The following SEMA3A variants were observed in gnomAD, a reference collection of about 807,000 sequenced individuals.
The protein encoded by SEMA3A is semaphorin-3A.
SEMA3A carries 29 observed loss-of-function variants against 97.9 expected under a neutral mutation model. The ratio of observed to expected loss-of-function variants is 0.30; its 90% CI spans 0.22 to 0.40. The LOEUF is 0.40. Among genes scored for constraint, SEMA3A ranks in the 10% least tolerant of loss-of-function variants. The probability of loss-of-function intolerance (pLI) is 1.00; values close to 1 mark genes in which losing one functional copy is unlikely to be tolerated. For missense variants in SEMA3A, 763 were observed against 951.3 expected, an observed-to-expected ratio of 0.80 and a Z score of 2.60; for synonymous variants, 321 against 323.7, an observed-to-expected ratio of 0.99 and a Z score of 0.09.
At position 84,067,167 on chromosome 7, in the gene SEMA3A, C is replaced by T. The variant is rs183418563; in HGVS notation, c.454-6609G>A. 4.8e-3 allele frequency among the ~76,000 whole-genome samples: 725 copies of T among 152,154 alleles called. 4 individuals are homozygous for T. Among genetic ancestry groups the T allele is most frequent in the African/African-American group, 0.016 (654 of 41,540 alleles). ...GACAAACCTGAGAAAAACAAGCAAT[C>T]GGGAAAGGATTCCTTATTTAATAAA... is the stretch of plus-strand genomic sequence containing the variant. On this transcript the variant is annotated intron_variant, in intron 4 of 16. Coordinates refer to ENST00000265362, the MANE Select transcript of SEMA3A (RefSeq NM_006080.3).
chr7:84,244,063 T>A (rs1159797618), intron 3 of SEMA3A, among the ~76,000 whole-genome samples: 1 of 152,216 alleles, frequency 6.6e-6, no homozygotes, highest in Non-Finnish European at 1.5e-5. Context: ...GAGAAGAATG[T>A]ATATTCTGTT....
intron 3 of SEMA3A, among the ~76,000 whole-genome samples, chr7:84,230,605 C>T (rs1799096058): frequency 1.3e-5 from 2 of 151,940 alleles, no homozygotes; most frequent in South Asian, 4.1e-4. Flanking sequence ...TGTTGTTAAC[C>T]TAATCACCAT....
At chr7:84,052,196 G>T (rs1203579260) in intron 5 of SEMA3A, among the ~76,000 whole-genome samples, 2 of 151,910 alleles carry the variant, frequency 1.3e-5, no homozygotes, top group Non-Finnish European at 2.9e-5. Flanking sequence ...TCTCTGCCTG[G>T]CTTTGGTATC....
intron 1 of SEMA3A, among the ~76,000 whole-genome samples, chr7:84,449,780 G>A (rs1454691311): frequency 6.6e-6 from 1 of 152,070 alleles, no homozygotes. Flanking sequence ...TCCACTGTCT[G>A]CTTCTGTGAG....
At chr7:84,428,360 AAAAC>A in intron 1 of SEMA3A, among the ~76,000 whole-genome samples, 1 of 152,202 alleles carries the variant, frequency 6.6e-6, no homozygotes, top group East Asian at 1.9e-4. Context: ...AAGATAGTAA[AAAAC>A]AAGTATATTT....
At chr7:84,106,144 G>A (rs1795103022) in intron 4 of SEMA3A, among the ~76,000 whole-genome samples, 1 of 152,152 alleles carries the variant, frequency 6.6e-6, no homozygotes, top group African/African-American at 2.4e-5. Context: ...ACGCTATTCA[G>A]GAGTGTAAAT....
At chr7:84,281,679 C>A (rs1800443204) in intron 3 of SEMA3A, among the ~76,000 whole-genome samples, 2 of 152,154 alleles carry the variant, frequency 1.3e-5, no homozygotes, top group Non-Finnish European at 2.9e-5. Flanking sequence ...AGAACAGACT[C>A]TGTAGCTACA....
At chr7:84,067,491 C>A (rs1793563636) in intron 4 of SEMA3A, among the ~76,000 whole-genome samples, 1 of 151,016 alleles carries the variant, frequency 6.6e-6, no homozygotes, top group African/African-American at 2.4e-5. Flanking sequence ...AGGCAACCTA[C>A]AAAATGGGAG....
intron 3 of SEMA3A, among the ~76,000 whole-genome samples, chr7:84,295,463 G>A (rs976915296): frequency 3.3e-5 from 5 of 151,966 alleles, no homozygotes; most frequent in Non-Finnish European, 5.9e-5. Context: ...AATGAAATCC[G>A]CATGTTTGCA....
intron 1 of SEMA3A, among the ~76,000 whole-genome samples, chr7:84,413,228 CCTCT>C (rs766498653): frequency 1.4e-4 from 22 of 151,994 alleles, no homozygotes; most frequent in Non-Finnish European, 2.2e-4. Flanking sequence ...ATTGCCATAG[CCTCT>C]CTAAGTGAAG....
chr7:84,407,933 T>TA (rs1455582950), intron 1 of SEMA3A, among the ~76,000 whole-genome samples: 23 of 152,224 alleles, frequency 1.5e-4, no homozygotes, highest in African/African-American at 4.1e-4. Flanking sequence ...CCTAAAACCA[T>TA]AAAAACCCTA....
rs1178194583 is a variant in SEMA3A at position 84,203,502 on chromosome 7, GTA to G, written c.-82-8836_-82-8835del. 4.5e-3 allele frequency among the ~76,000 whole-genome samples: 258 copies of G among 57,010 alleles called. 10 individuals carry two copies. Among genetic ancestry groups the G allele is most frequent in the South Asian group, 0.012 (15 of 1,248 alleles). The allele number at this position is 57,010 out of a possible 152,430, so 37.4% of individuals were successfully genotyped here. On this transcript the variant is annotated intron_variant, in intron 3 of 3. Coordinates refer to the SEMA3A transcript ENST00000424555. ...GTAGAAAGTATTTCTTTGTGTGTGT[GTA>G]TATATATATATATATATATATATTT...
chr7:84,118,714 G>A (rs1795508103), intron 3 of SEMA3A, among the ~76,000 whole-genome samples: 2 of 152,260 alleles, frequency 1.3e-5, no homozygotes, highest in South Asian at 4.1e-4. Context: ...TTGTGATTGT[G>A]GGTCTCAGTT....
intron 3 of SEMA3A, among the ~76,000 whole-genome samples, chr7:84,243,139 G>A (rs1799404487): frequency 1.3e-5 from 2 of 152,242 alleles, no homozygotes; most frequent in Non-Finnish European, 2.9e-5. Context: ...CCAGGTTTTG[G>A]TATCAGGATG....
intron 1 of SEMA3A, among the ~76,000 whole-genome samples, chr7:84,458,777 C>T (rs1171622418): frequency 1.3e-5 from 2 of 151,872 alleles, no homozygotes; most frequent in Non-Finnish European, 2.9e-5. Flanking sequence ...ATGGGATATC[C>T]ATCACTTCAA....
upstream of SEMA3A, among the ~76,000 whole-genome samples, chr7:84,197,892 G>A (rs1023598585): frequency 2.0e-5 from 3 of 149,950 alleles, no homozygotes; most frequent in Non-Finnish European, 3.0e-5. Context: ...GGCACACGCC[G>A]CCACGCCCAG....
intron 1 of SEMA3A, among the ~76,000 whole-genome samples, chr7:84,478,824 C>A (rs1311954129): frequency 6.6e-6 from 1 of 151,802 alleles, no homozygotes; most frequent in Admixed American, 6.6e-5. Context: ...CTGGAATTAA[C>A]AATAATTAAA....
At chr7:84,168,333 C>A (rs775153710) in intron 1 of SEMA3A, among the ~76,000 whole-genome samples, 1 of 151,916 alleles carries the variant, frequency 6.6e-6, no homozygotes, top group East Asian at 1.9e-4. Flanking sequence ...ATTTATGATG[C>A]GTTAATAAAC....
intron 3 of SEMA3A, among the ~76,000 whole-genome samples, chr7:84,296,781 G>A (rs1181942363): frequency 1.3e-5 from 2 of 152,040 alleles, no homozygotes; most frequent in Admixed American, 6.6e-5. Context: ...TCTACAAGAT[G>A]TTAAGGGAAC....
Sources: allele counts gnomAD v4.1 joint callset (sites outside exome capture counted in the v4.1 genomes callset), GRCh38; gene constraint gnomAD v4.1.1; transcripts MANE v1.5; gene names NCBI Gene and HGNC (gene_info 2026-07-23, HGNC 2026-07-21).